Variants in MAST2 observed in about 807,000 individuals in gnomAD.
MAST2 encodes the protein microtubule associated serine/threonine kinase 2, also known as microtubule-associated serine/threonine-protein kinase 2.
Under a neutral mutation model 147.4 loss-of-function variants are expected in MAST2, and 70 were observed. The ratio of observed to expected loss-of-function variants is 0.47; its 90% confidence interval spans 0.39 to 0.58. MAST2 has a LOEUF of 0.58. Ranked by LOEUF, MAST2 falls within the 20% of genes least tolerant of loss-of-function variation. The probability of loss-of-function intolerance (pLI) is 0.00; values close to 1 mark genes in which losing one functional copy is unlikely to be tolerated. For synonymous variants in MAST2, 869 were observed against 896.8 expected, an observed-to-expected ratio of 0.97 and a Z score of 0.55; for missense variants, 2,080 against 2,302.3, an observed-to-expected ratio of 0.90 and a Z score of 1.98.
chr1:45,904,229 A>T (rs1207195068), intron 4 of MAST2, among the ~76,000 whole-genome samples: 2 of 148,974 alleles, frequency 1.3e-5, no homozygotes, highest in Non-Finnish European at 3.0e-5. Flanking sequence ...CTGGAGTGTG[A>T]TGGCGTGATC....
chr1:45,932,125 C>T, intron 4 of MAST2, among the ~76,000 whole-genome samples: 1 of 152,222 alleles, frequency 6.6e-6, no homozygotes, highest in African/African-American at 2.4e-5. Flanking sequence ...TGAAGTTACT[C>T]TTTTTTTCCC....
At chr1:45,981,821 A>G (rs545424211) in intron 5 of MAST2, among the ~76,000 whole-genome samples, 2 of 150,104 alleles carry the variant, frequency 1.3e-5, no homozygotes, top group African/African-American at 2.4e-5. Context: ...TCTGTCAACA[A>G]ACTTTAAAAT....
chr1:45,913,982 T>C, intron 4 of MAST2: 4 of 782,282 alleles, frequency 5.1e-6, no homozygotes, highest in Non-Finnish European at 6.5e-6. Flanking sequence ...GTTTTGGAGA[T>C]GCCTGTCAGG....
chr1:45,818,662 C>T (rs943980669), intron 1 of MAST2, among the ~76,000 whole-genome samples: 2 of 152,168 alleles, frequency 1.3e-5, no homozygotes, highest in Admixed American at 6.5e-5. Flanking sequence ...TGTGAACTTC[C>T]GATGGTCGGC....
intron 3 of MAST2, among the ~76,000 whole-genome samples, chr1:45,850,077 C>A (rs991416161): frequency 6.6e-6 from 1 of 152,132 alleles, no homozygotes; most frequent in Non-Finnish European, 1.5e-5. Flanking sequence ...ACAGTGTATA[C>A]GTGTTCCCTT....
At chr1:46,019,496 A>T (rs1646095205) in intron 10 of MAST2, 100 bp from the exon 11 acceptor site, 2 of 886,132 alleles carry the variant, frequency 2.3e-6, no homozygotes, top group African/African-American at 3.3e-5. Flanking sequence ...TCTCTATGCT[A>T]CCGAATTGTT....
intron 3 of MAST2, among the ~76,000 whole-genome samples, chr1:45,854,688 C>CT (rs1345454708): frequency 6.6e-6 from 1 of 152,166 alleles, no homozygotes; most frequent in East Asian, 1.9e-4. Flanking sequence ...ACACAGGACC[C>CT]TTCTGACACC....
At position 45,811,488 on chromosome 1, in the gene MAST2, A is replaced by G. The variant is rs1156751687; in HGVS notation, c.177+7416A>G. 1.5e-3 allele frequency among the ~76,000 whole-genome samples: 212 copies of G among 140,062 alleles called. No individual in the cohort carries two copies. The Middle Eastern group carries it at 0.018, about 12-fold the overall frequency. The allele number at this position is 140,062 out of a possible 152,430, so 91.9% of individuals were successfully genotyped here. A position where few individuals can be genotyped will look rare whatever the true frequency, so the allele number is the denominator to read the frequency against. ...GGAGTAGCTGGGACTACAGGCGCCC[A>G]CCACCACGCTCGGCTAATTTTTTTG... On this transcript the variant is annotated intron_variant, in intron 1 of 28. Coordinates refer to ENST00000361297, the MANE Select transcript of MAST2 (RefSeq NM_015112.3).
In MAST2 at chr1:45,803,741, AGGCTCGAAGGCGCCGCGGGCTGG is replaced by A; in HGVS notation, c.-152_-130del. ...AGGTCGCGGCGCCGGAGGCCCCAGA[AGGCTCGAAGGCGCCGCGGGCTGG>A]GGTCGGTGGCTTAGGGAGCCCGTCC... is the stretch of plus-strand genomic sequence containing the variant. On this transcript the variant is annotated 5_prime_UTR_variant, in exon 1 of 29. Coordinates refer to ENST00000361297, the MANE Select transcript of MAST2 (RefSeq NM_015112.3). The A allele has an allele frequency of 2.9e-6, 1 of 343,854 alleles. No homozygotes were observed. Among genetic ancestry groups the A allele is most frequent in the Admixed American group, 4.9e-5 (1 of 20,516 alleles). The allele number at this position is 343,854 out of a possible 1,614,324, so 21.3% of individuals were successfully genotyped here. A position where few individuals can be genotyped will look rare whatever the true frequency, so the allele number is the denominator to read the frequency against.
rs1254863935 is a variant in MAST2 at position 45,845,950 on chromosome 1, CGG to C, written c.468+16372_468+16373del. On this transcript the variant is annotated intron_variant, in intron 3 of 28. Coordinates refer to ENST00000361297, the MANE Select transcript of MAST2 (RefSeq NM_015112.3). ...TAGTTTTTTGCATTTTTAGTAGAGA[CGG>C]GGTTTCACTGTGTTAGCCAGGGTGG... Among the ~76,000 whole-genome samples the C allele has an allele frequency of 2.0e-5, 3 of 152,044 alleles. No homozygotes were observed. The East Asian group carries it at 5.8e-4, about 29-fold the overall frequency.
intron 2 of MAST2, among the ~76,000 whole-genome samples, chr1:45,827,408 T>C (rs1230174864): frequency 6.6e-6 from 1 of 152,164 alleles, no homozygotes; most frequent in Non-Finnish European, 1.5e-5. Context: ...TTTACTGGTG[T>C]ACAGAGTCAA....
At chr1:45,806,806 A>C (rs1423814819) in intron 1 of MAST2, among the ~76,000 whole-genome samples, 2 of 152,102 alleles carry the variant, frequency 1.3e-5, no homozygotes, top group Non-Finnish European at 2.9e-5. Context: ...CGAGCTCCTA[A>C]CCTCAGATGA....
chr1:45,958,855 G>C (rs913719454), intron 4 of MAST2, among the ~76,000 whole-genome samples: 1 of 152,170 alleles, frequency 6.6e-6, no homozygotes, highest in Non-Finnish European at 1.5e-5. Flanking sequence ...AAAAGCTTCA[G>C]ACATTAACAT....
At chr1:45,906,949 T>C (rs1650856684) in intron 4 of MAST2, among the ~76,000 whole-genome samples, 1 of 152,146 alleles carries the variant, frequency 6.6e-6, no homozygotes. Context: ...ATACTTACCA[T>C]TGTGTTACAG....
chr1:45,930,486 T>TTCAC (rs1355848092), intron 4 of MAST2, among the ~76,000 whole-genome samples: 1 of 152,092 alleles, frequency 6.6e-6, no homozygotes, highest in African/African-American at 2.4e-5. Context: ...GATGCATTCA[T>TTCAC]TCATTCATTC....
intron 3 of MAST2, among the ~76,000 whole-genome samples, chr1:45,832,058 G>A (rs925977245): frequency 6.6e-6 from 1 of 152,070 alleles, no homozygotes; most frequent in African/African-American, 2.4e-5. Context: ...GGGATTACAG[G>A]CGTGAGCCAC....
At chr1:46,032,124 A>T in intron 24 of MAST2, 54 bp from the exon 25 acceptor site, 1 of 1,369,460 alleles carries the variant, frequency 7.3e-7, no homozygotes, top group South Asian at 1.2e-5. Flanking sequence ...AGACTGGACC[A>T]GGGGCCAGGC....
chr1:46,030,008 C>T, intron 20 of MAST2, 55 bp downstream of exon 20: 4 of 1,609,422 alleles, frequency 2.5e-6, no homozygotes, highest in Middle Eastern at 1.7e-4. Flanking sequence ...TGCCTAGAAA[C>T]ACCTGTGCAC....
At position 45,805,227 on chromosome 1, in the gene MAST2, T is replaced by G. The variant is rs186640764; in HGVS notation, c.177+1155T>G. ...CCATGTCCAGCTAATTTTTTTGTAT[T>G]TTTAGCAGAGACAGGGTTTCACCAT... On this transcript the variant is annotated intron_variant, in intron 1 of 28. Transcript: ENST00000361297. Among the ~76,000 whole-genome samples the G allele has an allele frequency of 1.4e-3, 209 of 152,302 alleles. 1 individual carries two copies. The East Asian group carries it at 0.028, about 20-fold the overall frequency.
Sources: gnomAD v4.1 joint callset for allele counts (sites outside exome capture counted in the v4.1 genomes callset) on GRCh38, gnomAD v4.1.1 for gene constraint, MANE v1.5 for transcripts, NCBI Gene and HGNC (gene_info 2026-07-23, HGNC 2026-07-21) for gene names.